Variants in IQCK observed in about 807,000 individuals in gnomAD.
IQCK encodes the protein IQ motif containing K.
A neutral mutation model predicts 28.1 loss-of-function variants in IQCK; 29 were observed. The observed-to-expected ratio is 1.03, with a 90% CI of 0.77 to 1.41. The LOEUF (loss-of-function observed/expected upper bound fraction) is 1.41. Ranked by LOEUF, IQCK falls within the 40% of genes most tolerant of loss-of-function variation. The probability of loss-of-function intolerance (pLI) is 0.00; values close to 1 mark genes in which losing one functional copy is unlikely to be tolerated. For synonymous variants in IQCK, 113 were observed against 115.1 expected (o/e 0.98, Z 0.12); for missense variants, 359 against 314.7 (o/e 1.14, Z -1.07).
At chr16:19,817,972 T>C (rs1394993018) in intron 7 of IQCK, among the ~76,000 whole-genome samples, 1 of 152,164 alleles carries the variant, frequency 6.6e-6, no homozygotes, top group African/African-American at 2.4e-5. Flanking sequence ...AGAAGATCCG[T>C]TGGGTTTATT....
intron 4 of IQCK, among the ~76,000 whole-genome samples, chr16:19,755,973 A>T (rs939845205): frequency 1.3e-5 from 2 of 152,074 alleles, no homozygotes; most frequent in Non-Finnish European, 2.9e-5. Context: ...ACTAGAGCTC[A>T]GGAGTTCAAG....
intron 4 of IQCK, among the ~76,000 whole-genome samples, chr16:19,740,861 G>A (rs756242654): frequency 2.6e-5 from 4 of 151,732 alleles, no homozygotes; most frequent in Non-Finnish European, 4.4e-5. Flanking sequence ...CCAGCTACTC[G>A]GGAGGCTGAG....
At chr16:19,759,594 A>T (rs2055107960) in intron 4 of IQCK, among the ~76,000 whole-genome samples, 1 of 152,198 alleles carries the variant, frequency 6.6e-6, no homozygotes, top group South Asian at 2.1e-4. Flanking sequence ...ATGATTCACT[A>T]GGGAAGATAG....
intron 4 of IQCK, among the ~76,000 whole-genome samples, chr16:19,742,823 A>G (rs1404146746): frequency 6.6e-6 from 1 of 152,148 alleles, no homozygotes; most frequent in Non-Finnish European, 1.5e-5. Flanking sequence ...CCTGGAACAT[A>G]GTAGGAACTC....
chr16:19,854,154 G>C (rs919684762), intron 9 of IQCK, among the ~76,000 whole-genome samples: 1 of 152,228 alleles, frequency 6.6e-6, no homozygotes, highest in African/African-American at 2.4e-5. Flanking sequence ...CATCAGAATT[G>C]CTGGAGTGAA....
At chr16:19,781,420 T>G (rs558699024) in intron 6 of IQCK, among the ~76,000 whole-genome samples, 1 of 152,206 alleles carries the variant, frequency 6.6e-6, no homozygotes, top group Admixed American at 6.5e-5. Context: ...AGCCTGATGC[T>G]GGAGTAATAA....
At chr16:19,811,263 CCTGTCT>C (rs763212876) in intron 7 of IQCK, among the ~76,000 whole-genome samples, 47 of 152,158 alleles carry the variant, frequency 3.1e-4, no homozygotes, top group Non-Finnish European at 1.8e-4. Flanking sequence ...AGAGCGAGAC[CCTGTCT>C]CAAAACAACA....
chr16:19,792,715 G>A (rs947273501), intron 7 of IQCK, among the ~76,000 whole-genome samples: 5 of 110,344 alleles, frequency 4.5e-5, no homozygotes, highest in African/African-American at 1.8e-4. Context: ...GGGATTACAG[G>A]CGCCTGCCAC....
At chr16:19,749,194 CAG>C (rs577619790) in intron 4 of IQCK, among the ~76,000 whole-genome samples, 18 of 152,286 alleles carry the variant, frequency 1.2e-4, no homozygotes, top group African/African-American at 3.6e-4. Flanking sequence ...AGAGACGAAA[CAG>C]AGCTTTCTTA....
chr16:19,730,567 C>T (rs1000785477), intron 2 of IQCK, 73 bp downstream of exon 2: 9 of 1,187,050 alleles, frequency 7.6e-6, no homozygotes, highest in Non-Finnish European at 1.1e-5. Flanking sequence ...CTGTGAATGT[C>T]ACACAGTGTC....
At chr16:19,849,421 TG>T (rs2141121490) in intron 9 of IQCK, among the ~76,000 whole-genome samples, 1 of 152,162 alleles carries the variant, frequency 6.6e-6, no homozygotes, top group South Asian at 2.1e-4. Context: ...AGGAGTCACT[TG>T]TTCTAAAAAA....
intron 9 of IQCK, among the ~76,000 whole-genome samples, chr16:19,840,233 G>A (rs2056349503): frequency 6.6e-6 from 1 of 152,080 alleles, no homozygotes; most frequent in Non-Finnish European, 1.5e-5. Flanking sequence ...GCAGGCACCT[G>A]TAATCTCAGC....
intron 1 of IQCK, among the ~76,000 whole-genome samples, chr16:19,728,462 C>T (rs1173527055): frequency 6.6e-6 from 1 of 152,150 alleles, no homozygotes. Context: ...GTTAACCACT[C>T]TGGTCTCAAA....
chr16:19,725,534 C>T (rs1977628727), intron 1 of IQCK, among the ~76,000 whole-genome samples: 2 of 152,162 alleles, frequency 1.3e-5, no homozygotes, highest in Admixed American at 1.3e-4. Flanking sequence ...TAATGCAGAA[C>T]AGAGCAGATA....
At chr16:19,764,867 T>C (rs2055206020) in intron 6 of IQCK, among the ~76,000 whole-genome samples, 2 of 148,952 alleles carry the variant, frequency 1.3e-5, no homozygotes, top group South Asian at 4.2e-4. Flanking sequence ...TTTTTTTTTT[T>C]TTTTTGTATT....
chr16:19,846,525 T>G (rs2056417070), intron 9 of IQCK, among the ~76,000 whole-genome samples: 1 of 152,246 alleles, frequency 6.6e-6, no homozygotes, highest in Non-Finnish European at 1.5e-5. Flanking sequence ...TTTAAAATAC[T>G]GCCTTCAAGG....
chr16:19,805,871 G>A (rs1451132438), intron 7 of IQCK, among the ~76,000 whole-genome samples: 1 of 152,014 alleles, frequency 6.6e-6, no homozygotes, highest in African/African-American at 2.4e-5. Context: ...TGGTGGGGTG[G>A]GGGGGCTAGG....
intron 9 of IQCK, among the ~76,000 whole-genome samples, chr16:19,840,158 C>G (rs1024233406): frequency 1.1e-4 from 16 of 152,088 alleles, no homozygotes; most frequent in African/African-American, 3.9e-4. Flanking sequence ...GAGTTCAAGA[C>G]CAGCCTGGGC....
At chr16:19,763,779 A>T in intron 4 of IQCK, 69 bp from the exon 5 acceptor site, 1 of 1,180,036 alleles carries the variant, frequency 8.5e-7, no homozygotes, top group Non-Finnish European at 1.3e-6. Flanking sequence ...ATGTATAAGT[A>T]GACCTGTGCA....
Sources: gnomAD v4.1 joint callset for allele counts (sites outside exome capture counted in the v4.1 genomes callset) on GRCh38, gnomAD v4.1.1 for gene constraint, MANE v1.5 for transcripts, NCBI Gene and HGNC (gene_info 2026-07-23, HGNC 2026-07-21) for gene names.